Variants in DPP6 observed in about 807,000 individuals in gnomAD.
DPP6 encodes the protein A-type potassium channel modulatory protein DPP6.
In DPP6, 69 loss-of-function variants were observed where a neutral mutation model predicts 122.6. The ratio of observed to expected loss-of-function variants is 0.56; its 90% CI spans 0.46 to 0.69. DPP6 has a LOEUF of 0.69. DPP6 is among the 30% of genes least tolerant of loss of function. DPP6 has a pLI of 0.00. For synonymous variants in DPP6, 418 were observed against 433.1 expected (o/e 0.97, Z 0.43); for missense variants, 928 against 1,116.9 (o/e 0.83, Z 2.41).
intron 1 of DPP6, among the ~76,000 whole-genome samples, chr7:154,007,916 T>G (rs920704909): frequency 2.0e-5 from 3 of 152,160 alleles, no homozygotes; most frequent in Admixed American, 1.3e-4. Context: ...TTCATCACTT[T>G]AGCCCGTATT....
chr7:153,784,865 T>A, the DPP6 span, among the ~76,000 whole-genome samples: 1 of 152,174 alleles, frequency 6.6e-6, no homozygotes, highest in South Asian at 2.1e-4. Context: ...TAAAGTAAGC[T>A]GTTACAATAT....
intron 1 of DPP6, among the ~76,000 whole-genome samples, chr7:154,278,426 A>G (rs62477034): frequency 0.022 from 3,338 of 152,348 alleles, 69 homozygotes; most frequent in Non-Finnish European, 0.029. Flanking sequence ...GGCAGGAACT[A>G]TGGAACTCCA....
At position 154,868,004 on chromosome 7, in the gene DPP6, AC is replaced by A. The variant is rs1222980278; in HGVS notation, c.1726del (p.Leu576Ter). 1.9e-6 allele frequency: 3 copies of A among 1,600,350 alleles called. No individual in the cohort carries two copies. The highest frequency in any genetic ancestry group is 2.6e-6 in the Non-Finnish European group (3 of 1,173,544). On this transcript the variant is annotated frameshift_variant, in exon 18 of 26. Coordinates refer to ENST00000377770, the MANE Select transcript of DPP6 (RefSeq NM_130797.4). LOFTEE classifies it high-confidence loss of function. ...GTTTCCTCTCTTTCAGAAATGTTTGACCTAGAAACAAATGAACATGTCAAGA... is the reference window on the plus strand; with the variant it reads ...GTTTCCTCTCTTTCAGAAATGTTTGACTAGAAACAAATGAACATGTCAAGA... ...HNTTDKKKMFDLETNEHVKKA... is the reference protein window; with the variant it reads ...HNTTDKKKMFXLETNEHVKKA...
intron 8 of DPP6, among the ~76,000 whole-genome samples, chr7:154,732,633 G>C (rs1302465304): frequency 5.9e-5 from 9 of 152,178 alleles, no homozygotes; most frequent in Admixed American, 5.9e-4. Flanking sequence ...GGAGTCATCA[G>C]CCTGGGATGG....
intron 1 of DPP6, among the ~76,000 whole-genome samples, chr7:154,379,172 A>C (rs1350919104): frequency 6.6e-6 from 1 of 152,188 alleles, no homozygotes; most frequent in Non-Finnish European, 1.5e-5. Context: ...CGGTTCCAAG[A>C]GGTGCCTCCA....
chr7:154,448,480 T>C lies in DPP6; in HGVS notation c.358+2152T>C, dbSNP rs1197131719. On this transcript the variant is annotated intron_variant, in intron 2 of 25. Coordinates refer to ENST00000377770, the MANE Select transcript of DPP6 (RefSeq NM_130797.4). ...TATATGAATTGATTGAAAGACTTCA[T>C]ATCATTAACATGACAATACTCCCTA... Among the ~76,000 whole-genome samples the C allele has an allele frequency of 3.3e-5, 5 of 152,194 alleles. No homozygotes were observed. The East Asian group carries it at 9.6e-4, about 29-fold the overall frequency.
At chr7:154,634,506 G>A (rs1021991829) in intron 5 of DPP6, among the ~76,000 whole-genome samples, 3 of 152,024 alleles carry the variant, frequency 2.0e-5, no homozygotes, top group South Asian at 2.1e-4. Context: ...TCTTATAGGC[G>A]ATTCCATTTT....
chr7:153,950,197 G>A (rs1802144237), intron 1 of DPP6, among the ~76,000 whole-genome samples: 1 of 152,090 alleles, frequency 6.6e-6, no homozygotes, highest in African/African-American at 2.4e-5. Context: ...GGGACAGGAG[G>A]CATTTAAGAA....
intron 1 of DPP6, among the ~76,000 whole-genome samples, chr7:154,412,053 C>G (rs1007934950): frequency 1.3e-5 from 2 of 152,150 alleles, no homozygotes; most frequent in African/African-American, 4.8e-5. Flanking sequence ...CACTCTCCAA[C>G]TTCAATAGCA....
Position 154,889,132 on chromosome 7 carries a change from G to C in DPP6, c.2305-140G>C, listed in dbSNP as rs889664179. On this transcript the variant is annotated intron_variant, in intron 23 of 25. Transcript: ENST00000377770. Reference sequence around the variant, plus strand: ...GACATCTGCCCTGCATTTCTTTGCAGATATAAGGCATCCCGGTTCTCCGGG... The same window carrying C: ...GACATCTGCCCTGCATTTCTTTGCACATATAAGGCATCCCGGTTCTCCGGG... The C allele has an allele frequency of 3.0e-6, 4 of 1,355,910 alleles. No homozygotes were observed. In the South Asian group the frequency reaches 6.3e-5, roughly 21 times the overall value. 84.0% of individuals were successfully genotyped at this position (1,355,910 alleles called of 1,614,324 possible). A position where few individuals can be genotyped will look rare whatever the true frequency, so the allele number is the denominator to read the frequency against.
intron 1 of DPP6, among the ~76,000 whole-genome samples, chr7:154,197,745 T>A (rs1254687307): frequency 6.6e-6 from 1 of 152,232 alleles, no homozygotes; most frequent in Non-Finnish European, 1.5e-5. Context: ...GAATCAATAA[T>A]GTTCAATTAA....
intron 4 of DPP6, among the ~76,000 whole-genome samples, chr7:154,559,254 C>T (rs1304899529): frequency 7.3e-6 from 1 of 136,520 alleles, no homozygotes; most frequent in African/African-American, 2.7e-5. Context: ...AGATGATCAC[C>T]AGGTTAGATA....
intron 1 of DPP6, among the ~76,000 whole-genome samples, chr7:154,397,424 CGA>C (rs1815186603): frequency 1.3e-5 from 2 of 151,984 alleles, no homozygotes; most frequent in African/African-American, 2.4e-5. Flanking sequence ...CCTTTAGAAA[CGA>C]GAGAGTATTC....
chr7:154,409,292 C>A (rs1816390555), intron 1 of DPP6, among the ~76,000 whole-genome samples: 1 of 152,132 alleles, frequency 6.6e-6, no homozygotes, highest in Non-Finnish European at 1.5e-5. Context: ...AGGACACAGC[C>A]ATGCACAGAG....
chr7:153,879,574 G>C, the DPP6 span, among the ~76,000 whole-genome samples: 1 of 152,016 alleles, frequency 6.6e-6, no homozygotes. Context: ...ATTTTAAGTA[G>C]AGGCAGGGTT....
chr7:153,964,430 G>T (rs536672307), intron 1 of DPP6, among the ~76,000 whole-genome samples: 2 of 152,080 alleles, frequency 1.3e-5, no homozygotes, highest in African/African-American at 2.4e-5. Context: ...AGACGCTACC[G>T]CTTCATGTCT....
At chr7:154,643,003 T>A (rs1219273290) in intron 6 of DPP6, among the ~76,000 whole-genome samples, 1 of 152,216 alleles carries the variant, frequency 6.6e-6, no homozygotes, top group Non-Finnish European at 1.5e-5. Flanking sequence ...CAATATATAT[T>A]TGTAGTCTTA....
intron 1 of DPP6, among the ~76,000 whole-genome samples, chr7:153,918,559 ACACACAGTCTCTCT>A (rs1800464666): frequency 1.2e-5 from 1 of 83,146 alleles, no homozygotes; most frequent in African/African-American, 4.0e-5. Flanking sequence ...ACACACACAC[ACACACAGTCTCTCT>A]CTCTCTCTCT....
intron 10 of DPP6, among the ~76,000 whole-genome samples, chr7:154,779,089 C>CTCCATTACCTCCACAATT (rs1796830500): frequency 1.9e-3 from 5 of 2,690 alleles, no homozygotes; most frequent in Non-Finnish European, 3.4e-3. Flanking sequence ...CCTCCACAAC[C>CTCCATTACCTCCACAATT]TCTACCACCA....
Sources: gnomAD v4.1 joint callset for allele counts (sites outside exome capture counted in the v4.1 genomes callset) on GRCh38, gnomAD v4.1.1 for gene constraint, MANE v1.5 for transcripts, NCBI Gene and HGNC (gene_info 2026-07-23, HGNC 2026-07-21) for gene names.